PTPRS: variants seen among roughly 807,000 people sequenced by gnomAD.
The protein encoded by PTPRS is protein tyrosine phosphatase receptor type S.
In PTPRS, 63 loss-of-function variants were observed where a neutral mutation model predicts 215.3. The ratio of observed to expected loss-of-function variants is 0.29; its 90% CI spans 0.24 to 0.36. The LOEUF (loss-of-function observed/expected upper bound fraction) is 0.36. Ranked by LOEUF, PTPRS falls within the 10% of genes least tolerant of loss-of-function variation. The probability of loss-of-function intolerance (pLI) is 1.00; values close to 1 mark genes in which losing one functional copy is unlikely to be tolerated. For missense variants in PTPRS, 2,258 were observed against 2,825.8 expected, an observed-to-expected ratio of 0.80 and a Z score of 4.56; for synonymous variants, 1,404 against 1,191.4, an observed-to-expected ratio of 1.18 and a Z score of -3.68.
chr19:5,221,232 G>A lies in PTPRS; in HGVS notation c.3223C>T (p.Leu1075=). Residue 1075 remains leucine, a synonymous_variant, in exon 20 of 38, where the codon CTG becomes TTG. Coordinates refer to ENST00000262963, the MANE Select transcript of PTPRS (RefSeq NM_002850.4). The part of the protein sequence containing the change: ...PYKIQYNGLT[L]DVDGRTTKKL... Reference sequence around the variant, plus strand: ...TTGGTGGTACGGCCATCCACATCCAGTGTGAGCCCATTGTACTGGATCTGC... The same window carrying A: ...TTGGTGGTACGGCCATCCACATCCAATGTGAGCCCATTGTACTGGATCTGC... The A allele has an allele frequency of 6.2e-7, 1 of 1,613,640 alleles. No homozygotes were observed. Among genetic ancestry groups the A allele is most frequent in the South Asian group, 1.1e-5 (1 of 91,062 alleles).
rs935526746 is a variant in PTPRS at position 5,286,025 on chromosome 19, T to C, written c.91+25A>G. ...ACAGGTAAACAAACACGCAGACCCC[T>C]GCACATCCCGTGCCGGCTTCTTACC... On this transcript the variant is annotated intron_variant, in intron 2 of 37. Transcript: ENST00000262963. 3.7e-6 allele frequency: 6 copies of C among 1,604,924 alleles called. No individual in the cohort carries two copies. In the African/African-American group the frequency reaches 6.7e-5, roughly 18 times the overall value.
At chr19:5,275,731 G>T (rs1279333601) in intron 2 of PTPRS, among the ~76,000 whole-genome samples, 1 of 152,132 alleles carries the variant, frequency 6.6e-6, no homozygotes. Context: ...GCTTGAACCT[G>T]GGAGATGGAG....
chr19:5,249,269 C>T (rs1236340955), intron 9 of PTPRS, among the ~76,000 whole-genome samples: 3 of 152,212 alleles, frequency 2.0e-5, no homozygotes, highest in Non-Finnish European at 2.9e-5. Context: ...TGAGATCGTG[C>T]CACCGCACTC....
chr19:5,216,559 C>T (rs908288366), intron 26 of PTPRS, among the ~76,000 whole-genome samples, 161 bp downstream of exon 26: 13 of 152,078 alleles, frequency 8.5e-5, no homozygotes, highest in African/African-American at 2.7e-4. Flanking sequence ...GCCCAATGGA[C>T]CAACCCCCTG....
chr19:5,285,818 T>C (rs2048305730), intron 2 of PTPRS, among the ~76,000 whole-genome samples: 1 of 152,222 alleles, frequency 6.6e-6, no homozygotes, highest in Admixed American at 6.5e-5. Flanking sequence ...GCCGTCATCA[T>C]CATTACGGTT....
chr19:5,333,428 G>A (rs1796453352), intron 1 of PTPRS, among the ~76,000 whole-genome samples: 1 of 151,820 alleles, frequency 6.6e-6, no homozygotes, highest in Non-Finnish European at 1.5e-5. Context: ...GATTGCTTGA[G>A]CCCAGGAGTT....
At chr19:5,226,179 G>A (rs969176839) in intron 16 of PTPRS, among the ~76,000 whole-genome samples, 5 of 152,144 alleles carry the variant, frequency 3.3e-5, no homozygotes, top group Non-Finnish European at 4.4e-5. Context: ...GTCCGTCCCC[G>A]CTCTCCCCAC....
chr19:5,269,123 G>A (rs896697963), intron 4 of PTPRS, among the ~76,000 whole-genome samples: 1 of 152,128 alleles, frequency 6.6e-6, no homozygotes, highest in African/African-American at 2.4e-5. Context: ...GTGCCTACGA[G>A]GGAACCCTGT....
In PTPRS at chr19:5,221,068, G is replaced by A; in HGVS notation, c.3387C>T (p.Ala1129=). 1 of 1,613,932 alleles carries A rather than the reference G, an allele frequency of 6.2e-7. No individual in the cohort carries two copies. The highest frequency in any genetic ancestry group is 1.1e-5 in the South Asian group (1 of 91,066). Residue 1129 remains alanine (A), a synonymous_variant, in exon 20 of 38, where the codon GCC becomes GCT. Coordinates refer to ENST00000262963, the MANE Select transcript of PTPRS (RefSeq NM_002850.4). The part of the protein sequence containing the change: ...FNLLNGKPSV[A]PKPDADGFIM... Reference sequence around the variant, plus strand: ...TGAAGCCGTCAGCATCAGGCTTGGGGGCGACGCTGGGCTTGCCGTTGAGCA... The same window carrying A: ...TGAAGCCGTCAGCATCAGGCTTGGGAGCGACGCTGGGCTTGCCGTTGAGCA...
intron 13 of PTPRS, among the ~76,000 whole-genome samples, chr19:5,236,813 C>T (rs2043477860): frequency 6.7e-6 from 1 of 149,342 alleles, no homozygotes; most frequent in Admixed American, 6.7e-5. Flanking sequence ...ACCAAAGGTG[C>T]CCGGGGGGTG....
rs140529174 is a variant in PTPRS, at chr19:5,287,462, T to A, written c.-94-1228A>T. 6.6e-6 allele frequency among the ~76,000 whole-genome samples: 1 copy of A among 151,882 alleles called. No homozygotes were observed. Among genetic ancestry groups the A allele is most frequent in the Non-Finnish European group, 1.5e-5 (1 of 67,950 alleles). On this transcript the variant is annotated intron_variant, in intron 1 of 37. Coordinates refer to ENST00000262963, the MANE Select transcript of PTPRS (RefSeq NM_002850.4). This position sits in a 1 kb window ranked among gnomAD's most constrained non-coding sequence, Gnocchi z 4.8. ...GAACCCTGGAATGGCCCCCTCCCCATCTCCCCAATCTCCACTCTGTCCAGA... is the reference window on the plus strand; with the variant it reads ...GAACCCTGGAATGGCCCCCTCCCCAACTCCCCAATCTCCACTCTGTCCAGA...
At chr19:5,323,435 C>T (rs572450045) in intron 1 of PTPRS, among the ~76,000 whole-genome samples, 73 of 152,318 alleles carry the variant, frequency 4.8e-4, no homozygotes, top group African/African-American at 1.7e-3. Flanking sequence ...AGGGGGAAGA[C>T]AGGAAACTAG....
chr19:5,235,084 G>A (rs1305237548), intron 13 of PTPRS, among the ~76,000 whole-genome samples: 1 of 151,964 alleles, frequency 6.6e-6, no homozygotes, highest in Admixed American at 6.6e-5. Context: ...GGGACTACAG[G>A]CGCCCGCCAC....
rs1306972656 is a variant in PTPRS at position 5,277,061 on chromosome 19, T to TTTG, written c.92-2718_92-2717insCAA. ...GGAGCTACTGCTGAGTTTTGTGTTT[T>TTTG]TTTTTTTTTTTTTTAAGAGACTGAG... is the stretch of plus-strand genomic sequence containing the variant. On this transcript the variant is annotated intron_variant, in intron 2 of 37. Coordinates refer to ENST00000262963, the MANE Select transcript of PTPRS (RefSeq NM_002850.4). Among the ~76,000 whole-genome samples the TTTG allele has an allele frequency of 4.7e-5, 7 of 150,246 alleles. No individual in the cohort carries two copies. The East Asian group carries it at 9.9e-4, about 21-fold the overall frequency.
At chr19:5,242,293 TCTACCCGGGTGTTTGATCTTAGCC>T (rs2044107537) in intron 11 of PTPRS, among the ~76,000 whole-genome samples, 1 of 152,216 alleles carries the variant, frequency 6.6e-6, no homozygotes, top group Non-Finnish European at 1.5e-5. Flanking sequence ...GCCACTGGGA[TCTACCCGGGTGTTTGATCTTAGCC>T]CTATGGGCTT....
At chr19:5,321,063 A>C (rs1055093860) in intron 1 of PTPRS, among the ~76,000 whole-genome samples, 2 of 151,964 alleles carry the variant, frequency 1.3e-5, no homozygotes, top group Non-Finnish European at 2.9e-5. Context: ...GGAGTTCGAG[A>C]CCAGCCTGGA....
intron 11 of PTPRS, among the ~76,000 whole-genome samples, chr19:5,242,063 T>C (rs938659805): frequency 6.6e-6 from 1 of 152,076 alleles, no homozygotes; most frequent in Non-Finnish European, 1.5e-5. Flanking sequence ...CTTGAACTCC[T>C]GACCTCGTGA....
At chr19:5,266,691 C>A (rs1024911900) in intron 4 of PTPRS, among the ~76,000 whole-genome samples, 2 of 152,046 alleles carry the variant, frequency 1.3e-5, no homozygotes, top group East Asian at 1.9e-4. Flanking sequence ...CCACACTGCT[C>A]CCCCGCTGTA....
chr19:5,273,281 G>T, intron 4 of PTPRS, 161 bp downstream of exon 4: 1 of 906,894 alleles, frequency 1.1e-6, no homozygotes. Context: ...ACCAGTAGGC[G>T]CTGGGCCCTG....
Sources: allele counts gnomAD v4.1 joint callset (sites outside exome capture counted in the v4.1 genomes callset), GRCh38; gene constraint gnomAD v4.1.1; non-coding constraint Gnocchi (gnomAD v3.1); transcripts MANE v1.5; gene names NCBI Gene and HGNC (gene_info 2026-07-23, HGNC 2026-07-21).